ZNF678: variants seen among roughly 807,000 people sequenced by gnomAD.
ZNF678 encodes hypothetical protein MGC42493.
A neutral mutation model predicts 3.0 loss-of-function variants in ZNF678; 5 were observed. The ratio of observed to expected loss-of-function variants is 1.69; its 90% CI spans 0.88 to 3.56. ZNF678 has a LOEUF of 3.56. Ranked by LOEUF, ZNF678 falls within the 30% of genes most tolerant of loss-of-function variation. ZNF678 has a pLI of 0.00. For synonymous variants in ZNF678, 218 were observed against 199.6 expected (o/e 1.09, Z -0.78); for missense variants, 593 against 605.0 (o/e 0.98, Z 0.21).
chr1:227,572,568 T>G (rs1656876354), intron 1 of ZNF678, among the ~76,000 whole-genome samples: 1 of 152,186 alleles, frequency 6.6e-6, no homozygotes, highest in East Asian at 1.9e-4. Flanking sequence ...CACCCAATCC[T>G]AGCTCACATG....
chr1:227,586,639 A>G (rs899162376), intron 1 of ZNF678, among the ~76,000 whole-genome samples: 1 of 152,218 alleles, frequency 6.6e-6, no homozygotes, highest in African/African-American at 2.4e-5. Context: ...TTAGAAACAA[A>G]ACTTTCAAAA....
At chr1:227,579,414 G>C (rs201361113) in intron 1 of ZNF678, among the ~76,000 whole-genome samples, 15 of 152,200 alleles carry the variant, frequency 9.9e-5, no homozygotes, top group African/African-American at 3.1e-4. Flanking sequence ...GTGCAAGGGT[G>C]GGGTGCTAGT....
chr1:227,591,064 G>A (rs1657400628), intron 1 of ZNF678, among the ~76,000 whole-genome samples: 1 of 151,766 alleles, frequency 6.6e-6, no homozygotes, highest in African/African-American at 2.4e-5. Context: ...GACATTGAGA[G>A]ACTGCGCTAC....
intron 1 of ZNF678, among the ~76,000 whole-genome samples, chr1:227,599,520 G>A (rs115920772): frequency 0.014 from 2,095 of 152,202 alleles, 53 homozygotes; most frequent in African/African-American, 0.047. Flanking sequence ...GCACTTTAGT[G>A]TATTTATAAT....
intron 1 of ZNF678, among the ~76,000 whole-genome samples, chr1:227,619,015 G>T (rs1364143489): frequency 6.6e-6 from 1 of 152,132 alleles, no homozygotes; most frequent in East Asian, 1.9e-4. Flanking sequence ...GGGGGGACCT[G>T]CCAAACACTT....
intron 1 of ZNF678, among the ~76,000 whole-genome samples, chr1:227,596,819 T>C (rs1008347679): frequency 6.6e-6 from 1 of 152,224 alleles, no homozygotes; most frequent in Non-Finnish European, 1.5e-5. Context: ...TAGTGGTATA[T>C]GCACAGAACA....
At chr1:227,581,176 A>G (rs1370860541) in intron 1 of ZNF678, among the ~76,000 whole-genome samples, 2 of 151,898 alleles carry the variant, frequency 1.3e-5, no homozygotes, top group Admixed American at 1.3e-4. Flanking sequence ...TATCCTGTCA[A>G]TTGCTAAGAA....
At chr1:227,633,779 G>C (rs1452340707) in intron 1 of ZNF678, among the ~76,000 whole-genome samples, 1 of 152,198 alleles carries the variant, frequency 6.6e-6, no homozygotes, top group Non-Finnish European at 1.5e-5. Context: ...AAACAAATTT[G>C]AAAGACAGTC....
At chr1:227,628,476 T>A (rs1658471643) in intron 1 of ZNF678, among the ~76,000 whole-genome samples, 1 of 152,198 alleles carries the variant, frequency 6.6e-6, no homozygotes, top group Non-Finnish European at 1.5e-5. Flanking sequence ...GGCTATTTCA[T>A]TGTACCTGGG....
chr1:227,646,648 C>A lies in ZNF678; in HGVS notation c.-59C>A. 7.3e-7 allele frequency: 1 copy of A among 1,372,348 alleles called. No homozygotes were observed. 85.0% of individuals were successfully genotyped at this position (1,372,348 alleles called of 1,614,324 possible). On this transcript the variant is annotated 5_prime_UTR_variant, in exon 2 of 4. Coordinates refer to ENST00000343776, the MANE Select transcript of ZNF678 (RefSeq NM_001367909.1). ...TGTATAGGGATGTGATGTTCGAGAACTACAGAAACCTGGTCTCCCTGGGTG... is the reference window on the plus strand; with the variant it reads ...TGTATAGGGATGTGATGTTCGAGAAATACAGAAACCTGGTCTCCCTGGGTG...
chr1:227,617,050 T>G (rs1658160374), intron 1 of ZNF678, among the ~76,000 whole-genome samples: 1 of 152,186 alleles, frequency 6.6e-6, no homozygotes, highest in Admixed American at 6.5e-5. Flanking sequence ...TTGCAAGGCT[T>G]CTATTAGTGA....
At chr1:227,618,822 G>A (rs1198419790) in intron 1 of ZNF678, among the ~76,000 whole-genome samples, 1 of 152,120 alleles carries the variant, frequency 6.6e-6, no homozygotes, top group African/African-American at 2.4e-5. Flanking sequence ...GATTACCTGG[G>A]CACCTATATT....
In ZNF678 at chr1:227,660,837, T is replaced by C. The variant is rs1659385799; in HGVS notation, c.*5009T>C. 6.6e-6 allele frequency: 1 copy of C among 152,222 alleles called. No individual in the cohort carries two copies. The highest frequency in any genetic ancestry group is 6.5e-5 in the Admixed American group (1 of 15,282). 9.4% of individuals were successfully genotyped at this position (152,222 alleles called of 1,614,324 possible). Reference sequence around the variant, plus strand: ...GGTTTAGCATGATGTCAGATGTCCATTTGTCATATATGGCCTTTATTGGCT... The same window carrying C: ...GGTTTAGCATGATGTCAGATGTCCACTTGTCATATATGGCCTTTATTGGCT... On this transcript the variant is annotated 3_prime_UTR_variant, in exon 4 of 4. Coordinates refer to ENST00000343776, the MANE Select transcript of ZNF678 (RefSeq NM_001367909.1).
At chr1:227,668,392 A>G (rs1659543701) in intron 5 of ZNF678, among the ~76,000 whole-genome samples, 1 of 152,166 alleles carries the variant, frequency 6.6e-6, no homozygotes, top group Non-Finnish European at 1.5e-5. Context: ...TATTGGAGCT[A>G]AAAAAATCCA....
chr1:227,587,332 GCAAAACAAAA>G (rs533441068), intron 1 of ZNF678, among the ~76,000 whole-genome samples: 5 of 151,406 alleles, frequency 3.3e-5, no homozygotes, highest in African/African-American at 9.7e-5. Context: ...TATATAGGAG[GCAAAACAAAA>G]CAAAACAAAA....
intron 1 of ZNF678, among the ~76,000 whole-genome samples, chr1:227,577,506 TTTTG>T (rs1304893508): frequency 1.3e-5 from 2 of 152,226 alleles, no homozygotes; most frequent in African/African-American, 4.8e-5. Flanking sequence ...TCTTTGTCTT[TTTTG>T]ATCTTTGTTG....
intron 1 of ZNF678, among the ~76,000 whole-genome samples, chr1:227,619,243 T>G (rs1017698346): frequency 6.6e-6 from 1 of 152,192 alleles, no homozygotes; most frequent in Admixed American, 6.5e-5. Flanking sequence ...CATTTGGCTG[T>G]TTATAAGTTG....
At chr1:227,632,510 C>T (rs1160407862) in intron 1 of ZNF678, among the ~76,000 whole-genome samples, 1 of 152,100 alleles carries the variant, frequency 6.6e-6, no homozygotes, top group Non-Finnish European at 1.5e-5. Flanking sequence ...TTCGGGACAA[C>T]AGCTTTCTGC....
chr1:227,649,695 A>G (rs1659045329), intron 2 of ZNF678, among the ~76,000 whole-genome samples: 1 of 152,150 alleles, frequency 6.6e-6, no homozygotes, highest in African/African-American at 2.4e-5. Flanking sequence ...TTTTTAATGT[A>G]TATGTATTAG....
Sources: allele counts gnomAD v4.1 joint callset (sites outside exome capture counted in the v4.1 genomes callset), GRCh38; gene constraint gnomAD v4.1.1; transcripts MANE v1.5; gene names NCBI Gene and HGNC (gene_info 2026-07-23, HGNC 2026-07-21).